EML5: variants seen among roughly 807,000 people sequenced by gnomAD.
EML5 encodes the protein echinoderm microtubule-associated protein-like 5.
EML5 carries 120 observed loss-of-function variants against 250.0 expected under a neutral mutation model. That is an observed-to-expected ratio of 0.48 (90% CI 0.41 to 0.56). The LOEUF (loss-of-function observed/expected upper bound fraction) is 0.56, where lower values mean the gene tolerates loss of function less well. Among genes scored for constraint, EML5 ranks in the 20% least tolerant of loss-of-function variants. The pLI is 0.00. For synonymous variants in EML5, 771 were observed against 806.5 expected, an observed-to-expected ratio of 0.96 and a Z score of 0.75; for missense variants, 2,006 against 2,437.6, an observed-to-expected ratio of 0.82 and a Z score of 3.73.
At chr14:88,741,417 T>G (rs1022872424) in intron 4 of EML5, among the ~76,000 whole-genome samples, 1 of 152,218 alleles carries the variant, frequency 6.6e-6, no homozygotes, top group African/African-American at 2.4e-5. Flanking sequence ...TAGATGTCCA[T>G]GTGGAATGAT....
intron 21 of EML5, among the ~76,000 whole-genome samples, chr14:88,665,929 T>C (rs1403986619): frequency 2.0e-5 from 3 of 151,762 alleles, no homozygotes; most frequent in Non-Finnish European, 4.4e-5. Context: ...AAATATTTGC[T>C]AAAAAGGTTG....
chr14:88,622,335 A>G (rs1172961096), intron 37 of EML5: 1 of 310,282 alleles, frequency 3.2e-6, no homozygotes, highest in Non-Finnish European at 5.9e-6. Flanking sequence ...AGGGCTTTCA[A>G]TTATGTCTAC....
chr14:88,716,704 T>C (rs1400721830), intron 8 of EML5, among the ~76,000 whole-genome samples: 1 of 149,962 alleles, frequency 6.7e-6, no homozygotes, highest in African/African-American at 2.5e-5. Flanking sequence ...ATGTCCAAGG[T>C]TTTCTGTTAA....
At position 88,620,819 on chromosome 14, in the gene EML5, T is replaced by C. The variant is rs1280940198; in HGVS notation, c.5310A>G (p.Leu1770=). ...IGMKNGEFII[L]LVSSLKIWGK... is the part of the protein sequence containing the mutation. ...CCCATATTTTTAGAGAACTCACTAG[T>C]AAAATGATAAATTCTCCATTTTTCA... Residue 1770 remains leucine (L), a synonymous_variant, in exon 39 of 44, where the codon TTA becomes TTG. Coordinates refer to ENST00000554922, the MANE Select transcript of EML5 (RefSeq NM_183387.3). This position sits in a 1 kb window ranked among gnomAD's most constrained non-coding sequence, Gnocchi z 4.3. The C allele has an allele frequency of 6.2e-7, 1 of 1,607,990 alleles. No homozygotes were observed. The highest frequency in any genetic ancestry group is 2.2e-5 in the East Asian group (1 of 44,714).
rs1337309355 is a variant in EML5, at chr14:88,679,191, T to C, written c.3124+2699A>G. Among the ~76,000 whole-genome samples the C allele has an allele frequency of 1.3e-4, 19 of 149,828 alleles. No individual in the cohort carries two copies. In the Admixed American group the frequency reaches 1.3e-3, roughly 10 times the overall value. On this transcript the variant is annotated intron_variant, in intron 21 of 43. Coordinates refer to ENST00000554922, the MANE Select transcript of EML5 (RefSeq NM_183387.3). ...GTATGCCTTTGTCTTAAACTGATTA[T>C]ATCTGCTAATACTCTATTTCTAAAT...
intron 1 of EML5, among the ~76,000 whole-genome samples, chr14:88,769,610 A>T (rs1413988582): frequency 6.6e-6 from 1 of 152,226 alleles, no homozygotes; most frequent in African/African-American, 2.4e-5. Flanking sequence ...AAATAGTCAT[A>T]TCTGAATTCA....
chr14:88,613,215 GCA>G lies in EML5; in HGVS notation c.*2601_*2602del, dbSNP rs2087085791. 1 of 152,140 alleles carries G rather than the reference GCA, an allele frequency of 6.6e-6. No individual in the cohort carries two copies. Among genetic ancestry groups the G allele is most frequent in the Admixed American group, 6.5e-5 (1 of 15,268 alleles). The allele number at this position is 152,140 out of a possible 1,614,324, so 9.4% of individuals were successfully genotyped here. A position where few individuals can be genotyped will look rare whatever the true frequency, so the allele number is the denominator to read the frequency against. Reference sequence around the variant, plus strand: ...AAACACGAGAAGCAGCAAAGACAGAGCACACAAGTGCATAAGGCTGTTGTCTT... The same window carrying G: ...AAACACGAGAAGCAGCAAAGACAGAGCACAAGTGCATAAGGCTGTTGTCTT... On this transcript the variant is annotated 3_prime_UTR_variant, in exon 44 of 44. Coordinates refer to ENST00000554922, the MANE Select transcript of EML5 (RefSeq NM_183387.3).
intron 4 of EML5, among the ~76,000 whole-genome samples, chr14:88,742,535 A>G (rs7155614): frequency 0.64 from 97,178 of 151,920 alleles, 33,106 homozygotes; most frequent in East Asian, 0.94. Context: ...AGTTTGAGAT[A>G]AGCTTTTTAT....
intron 25 of EML5, among the ~76,000 whole-genome samples, chr14:88,659,524 CTTAATAA>C (rs1298186725): frequency 6.6e-6 from 1 of 152,134 alleles, no homozygotes; most frequent in Non-Finnish European, 1.5e-5. Flanking sequence ...AATGATGACT[CTTAATAA>C]TTAAGTCAGG....
intron 21 of EML5, among the ~76,000 whole-genome samples, chr14:88,670,907 G>A (rs567281434): frequency 6.6e-6 from 1 of 151,986 alleles, no homozygotes; most frequent in East Asian, 1.9e-4. Context: ...AAACCTCTGA[G>A]AACTATGGGA....
chr14:88,671,094 TG>T (rs1304454675), intron 21 of EML5, among the ~76,000 whole-genome samples: 4 of 152,040 alleles, frequency 2.6e-5, no homozygotes, highest in African/African-American at 9.7e-5. Context: ...ATCAACCCCA[TG>T]ATACATAATC....
intron 21 of EML5, among the ~76,000 whole-genome samples, chr14:88,679,815 A>G (rs1290614251): frequency 3.9e-5 from 6 of 152,230 alleles, no homozygotes; most frequent in Non-Finnish European, 2.9e-5. Context: ...CAAGAGTCAC[A>G]GGAAATTTAG....
intron 21 of EML5, among the ~76,000 whole-genome samples, chr14:88,680,305 T>C (rs763657924): frequency 1.3e-5 from 2 of 152,144 alleles, no homozygotes. Context: ...ATTACAACCA[T>C]ATCTCAGGAG....
chr14:88,689,203 T>C (rs936529727), intron 17 of EML5, among the ~76,000 whole-genome samples: 1 of 152,164 alleles, frequency 6.6e-6, no homozygotes, highest in African/African-American at 2.4e-5. Context: ...AAAGGCCTCT[T>C]CTATACAAGT....
At chr14:88,791,301 T>C (rs1165457726) in intron 1 of EML5, among the ~76,000 whole-genome samples, 1 of 152,198 alleles carries the variant, frequency 6.6e-6, no homozygotes, top group Non-Finnish European at 1.5e-5. Context: ...GGGAATAACA[T>C]TTTGTAACCA....
At chr14:88,746,337 A>C in intron 2 of EML5, 54 bp from the exon 3 acceptor site, 1 of 1,429,906 alleles carries the variant, frequency 7.0e-7, no homozygotes, top group Non-Finnish European at 9.7e-7. Flanking sequence ...CAAATCAAAG[A>C]GAAACTGAAT....
chr14:88,761,240 T>C (rs541671482), intron 1 of EML5, among the ~76,000 whole-genome samples: 25 of 152,180 alleles, frequency 1.6e-4, no homozygotes, highest in Non-Finnish European at 2.5e-4. Context: ...CTGAGATACA[T>C]GTGCAGAACG....
chr14:88,624,823 C>T (rs2089671209), intron 36 of EML5, 147 bp downstream of exon 36: 10 of 855,666 alleles, frequency 1.2e-5, no homozygotes. Flanking sequence ...AAATAGAAGG[C>T]ACATAAAAGG....
rs150675877 is a variant in EML5 at position 88,683,179 on chromosome 14, G to A, written c.2983-1148C>T. 4.1e-4 allele frequency among the ~76,000 whole-genome samples: 52 copies of A among 126,710 alleles called. No homozygotes were observed. In the East Asian group the frequency reaches 9.2e-3, roughly 22 times the overall value. 83.1% of individuals were successfully genotyped at this position (126,710 alleles called of 152,430 possible). On this transcript the variant is annotated intron_variant, in intron 20 of 43. Transcript: ENST00000554922. ...AAATCTAATAAAAAGTAATTGGGAGGAGACTGGTAGGCTAACTGGAAATAT... is the reference window on the plus strand; with the variant it reads ...AAATCTAATAAAAAGTAATTGGGAGAAGACTGGTAGGCTAACTGGAAATAT...
Sources: allele counts gnomAD v4.1 joint callset (sites outside exome capture counted in the v4.1 genomes callset), GRCh38; gene constraint gnomAD v4.1.1; non-coding constraint Gnocchi (gnomAD v3.1); transcripts MANE v1.5; gene names NCBI Gene and HGNC (gene_info 2026-07-23, HGNC 2026-07-21).